Variants in HAVCR2 observed in about 807,000 individuals in gnomAD.
The protein encoded by HAVCR2 is T cell immunoglobulin mucin 3.
A neutral mutation model predicts 24.7 loss-of-function variants in HAVCR2; 13 were observed. That is an observed-to-expected ratio of 0.53 (90% CI 0.34 to 0.84). The LOEUF is 0.84. HAVCR2 is among the 40% of genes least tolerant of loss of function. HAVCR2 has a pLI of 0.01. For missense variants in HAVCR2, 343 were observed against 371.2 expected, an observed-to-expected ratio of 0.92 and a Z score of 0.62; for synonymous variants, 154 against 143.4, an observed-to-expected ratio of 1.07 and a Z score of -0.53.
chr5:157,088,022 A>G (rs1683572244), intron 6 of HAVCR2, among the ~76,000 whole-genome samples: 1 of 152,286 alleles, frequency 6.6e-6, no homozygotes, highest in Non-Finnish European at 1.5e-5. Context: ...CAGTGGCACA[A>G]TCATGGCTCA....
In HAVCR2 at chr5:157,086,159, C is replaced by T. The variant is rs906264466; in HGVS notation, c.*943G>A. The T allele has an allele frequency of 1.3e-5, 2 of 152,250 alleles. No individual in the cohort carries two copies. The highest frequency in any genetic ancestry group is 2.9e-5 in the Non-Finnish European group (2 of 68,088). The allele number at this position is 152,250 out of a possible 1,614,324, so 9.4% of individuals were successfully genotyped here. On this transcript the variant is annotated 3_prime_UTR_variant, in exon 7 of 7. Transcript: ENST00000307851. ...CAAAACTTGGCCAATACACACCAAT[C>T]AAATGCACTTCGTTTTTCCCTGGGA...
rs1757290964 is a variant in HAVCR2, at chr5:157,108,993, A to C, written c.-10T>G. ...GAAGATGTGAAAACATGGAGCTTGC[A>C]GAAGAAAAGTCAGAGGACACCTCTG... On this transcript the variant is annotated 5_prime_UTR_variant, in exon 1 of 7. Transcript: ENST00000307851. 1.2e-6 allele frequency: 2 copies of C among 1,613,984 alleles called. No individual in the cohort carries two copies. The highest frequency in any genetic ancestry group is 1.7e-6 in the Non-Finnish European group (2 of 1,179,954).
intron 1 of HAVCR2, among the ~76,000 whole-genome samples, chr5:157,108,085 A>G (rs1433952467): frequency 1.3e-5 from 2 of 152,050 alleles, no homozygotes; most frequent in Non-Finnish European, 2.9e-5. Flanking sequence ...TATATTTTAT[A>G]TATGATAAAA....
intron 1 of HAVCR2, 68 bp downstream of exon 1, chr5:157,108,858 C>T: frequency 6.8e-7 from 1 of 1,471,226 alleles, no homozygotes; most frequent in African/African-American, 1.4e-5. Flanking sequence ...AATGGCCATC[C>T]TTGTATCTCT....
intron 4 of HAVCR2, among the ~76,000 whole-genome samples, chr5:157,095,724 AAAG>A (rs1445411545): frequency 3.3e-5 from 5 of 151,394 alleles, no homozygotes; most frequent in South Asian, 2.1e-4. Context: ...AAAAAAAAAA[AAAG>A]AGAGAAGGAG....
chr5:157,098,406 T>TAAAA (rs70984442), intron 4 of HAVCR2, among the ~76,000 whole-genome samples: 1 of 138,298 alleles, frequency 7.2e-6, no homozygotes. Flanking sequence ...AAATTCTGTC[T>TAAAA]AAAAAAAAAA....
chr5:157,101,941 AT>A (rs869260432), intron 3 of HAVCR2, among the ~76,000 whole-genome samples: 6,721 of 83,224 alleles, frequency 0.081, 106 homozygotes, highest in East Asian at 0.14. Flanking sequence ...ATGCCCGGCT[AT>A]TTTTTTTTTT....
chr5:157,106,017 A>G (rs1427064310), intron 2 of HAVCR2: 1 of 152,242 alleles, frequency 6.6e-6, no homozygotes, highest in Non-Finnish European at 1.5e-5. Flanking sequence ...TGGCATCTAT[A>G]GTTGTTTAAA....
In HAVCR2 at chr5:157,094,799, A is replaced by T. The variant is rs191117534; in HGVS notation, c.676+507T>A. ...AAAACATTCTCTAACCCCAGTCACG[A>T]CCCAGTGTTAAAGGGACTTGCAGTC... On this transcript the variant is annotated intron_variant, in intron 5 of 6. Coordinates refer to ENST00000307851, the MANE Select transcript of HAVCR2 (RefSeq NM_032782.5). Among the ~76,000 whole-genome samples, 701 of 152,242 alleles carry T rather than the reference A, an allele frequency of 4.6e-3. 1 individual carries two copies. Among genetic ancestry groups the T allele is most frequent in the Non-Finnish European group, 7.3e-3 (497 of 68,008 alleles).
intron 3 of HAVCR2, among the ~76,000 whole-genome samples, chr5:157,104,444 T>C (rs1196288837): frequency 1.3e-5 from 2 of 152,224 alleles, no homozygotes; most frequent in Non-Finnish European, 2.9e-5. Context: ...TTATTAACTT[T>C]TTTCCAGTTA....
intron 2 of HAVCR2, among the ~76,000 whole-genome samples, chr5:157,105,643 T>C (rs990639391): frequency 1.3e-5 from 2 of 152,172 alleles, no homozygotes; most frequent in African/African-American, 4.8e-5. Context: ...TGCTCAGGAT[T>C]ATATAGCTAG....
In HAVCR2 at chr5:157,104,655, T is replaced by C. The variant is rs763216712; in HGVS notation, c.478+11A>G. On this transcript the variant is annotated intron_variant, in intron 3 of 6. Coordinates refer to ENST00000307851, the MANE Select transcript of HAVCR2 (RefSeq NM_032782.5). Reference sequence around the variant, plus strand: ...GCTAAAGATTCCCTCCTCTGCCCCATGCATAGTTACCTGGGCCATGTCCCC... The same window carrying C: ...GCTAAAGATTCCCTCCTCTGCCCCACGCATAGTTACCTGGGCCATGTCCCC... The C allele has an allele frequency of 2.5e-6, 4 of 1,577,486 alleles. No individual in the cohort carries two copies. Among genetic ancestry groups the C allele is most frequent in the Non-Finnish European group, 3.5e-6 (4 of 1,153,216 alleles).
rs1415065497 is a variant in HAVCR2, at chr5:157,086,109, T to C, written c.*993A>G. On this transcript the variant is annotated 3_prime_UTR_variant, in exon 7 of 7. Coordinates refer to ENST00000307851, the MANE Select transcript of HAVCR2 (RefSeq NM_032782.5). ...CACGAATACAGAAGTTGGTCAGAGA[T>C]ATTTTCTTTCAAGCACACAACAAGC... The C allele has an allele frequency of 6.6e-6, 1 of 151,608 alleles. No individual in the cohort carries two copies. Among genetic ancestry groups the C allele is most frequent in the Non-Finnish European group, 1.5e-5 (1 of 68,030 alleles). The allele number at this position is 151,608 out of a possible 1,614,324, so 9.4% of individuals were successfully genotyped here.
intron 6 of HAVCR2, 140 bp from the exon 7 acceptor site, chr5:157,087,434 C>T: frequency 2.1e-6 from 1 of 485,102 alleles, no homozygotes; most frequent in South Asian, 4.2e-5. Flanking sequence ...AGTGGAAAAG[C>T]CAAGAAATAG....
At chr5:157,099,496 C>A (rs1025978938) in intron 3 of HAVCR2, among the ~76,000 whole-genome samples, 2 of 152,066 alleles carry the variant, frequency 1.3e-5, no homozygotes, top group African/African-American at 4.8e-5. Flanking sequence ...AGGTGATCTG[C>A]CCACCTCAGC....
At chr5:157,092,173 C>CAT (rs1369636731) in intron 5 of HAVCR2, among the ~76,000 whole-genome samples, 8 of 148,868 alleles carry the variant, frequency 5.4e-5, no homozygotes, top group Middle Eastern at 3.6e-3. Flanking sequence ...TACACACACA[C>CAT]ATATATATAT....
chr5:157,104,845 A>G (rs1757223135), intron 2 of HAVCR2, 96 bp from the exon 3 acceptor site: 2 of 837,540 alleles, frequency 2.4e-6, no homozygotes, highest in Non-Finnish European at 3.9e-6. Flanking sequence ...TGCGAAAGAC[A>G]ATTAAGAAAG....
At position 157,106,613 on chromosome 5, in the gene HAVCR2, A is replaced by G; in HGVS notation, c.394+14T>C. ...AATCTTATTCATAAAGATGGCATGCAAATGTCCACTCACCTGGTTTGATGA... is the reference window on the plus strand; with the variant it reads ...AATCTTATTCATAAAGATGGCATGCGAATGTCCACTCACCTGGTTTGATGA... On this transcript the variant is annotated intron_variant, in intron 2 of 6. Transcript: ENST00000307851. 2.5e-6 allele frequency: 4 copies of G among 1,597,684 alleles called. No homozygotes were observed. The Admixed American group carries it at 6.7e-5, about 27-fold the overall frequency.
intron 3 of HAVCR2, among the ~76,000 whole-genome samples, chr5:157,102,934 CAAA>C (rs34491013): frequency 3.4e-5 from 4 of 119,402 alleles, no homozygotes; most frequent in Admixed American, 9.1e-5. Context: ...GACTCCGTCT[CAAA>C]AAAAAAAAAA....
Sources: gnomAD v4.1 joint callset for allele counts (sites outside exome capture counted in the v4.1 genomes callset) on GRCh38, gnomAD v4.1.1 for gene constraint, MANE v1.5 for transcripts, NCBI Gene and HGNC (gene_info 2026-07-23, HGNC 2026-07-21) for gene names.